The following DNAH8 variants were observed in gnomAD, a reference collection of about 807,000 sequenced individuals.
The protein encoded by DNAH8 is dynein axonemal heavy chain 8.
Under a neutral mutation model 562.1 loss-of-function variants are expected in DNAH8, and 382 were observed. The observed-to-expected ratio is 0.68, with a 90% CI of 0.63 to 0.74. The LOEUF is 0.74. Among genes scored for constraint, DNAH8 ranks in the 30% least tolerant of loss-of-function variants. The probability of loss-of-function intolerance (pLI) is 0.00; values close to 1 mark genes in which losing one functional copy is unlikely to be tolerated. For missense variants in DNAH8, 5,203 were observed against 5,620.4 expected, an observed-to-expected ratio of 0.93 and a Z score of 2.37; for synonymous variants, 1,881 against 1,919.4, an observed-to-expected ratio of 0.98 and a Z score of 0.52.
At chr6:38,973,321 G>A (rs547850478) in intron 83 of DNAH8, among the ~76,000 whole-genome samples, 11 of 152,224 alleles carry the variant, frequency 7.2e-5, no homozygotes, top group African/African-American at 2.6e-4. Flanking sequence ...ATTTACCTTA[G>A]GCAGGACAAC....
chr6:38,946,982 A>T (rs972040372), intron 80 of DNAH8, among the ~76,000 whole-genome samples: 4 of 152,218 alleles, frequency 2.6e-5, no homozygotes, highest in Non-Finnish European at 4.4e-5. Flanking sequence ...TTAACTACTC[A>T]TGAGGTAGAA....
chr6:38,741,104 T>A (rs1727761553), intron 7 of DNAH8, among the ~76,000 whole-genome samples: 3 of 152,092 alleles, frequency 2.0e-5, no homozygotes, highest in African/African-American at 7.2e-5. Context: ...AAAGTGATAT[T>A]TTCTAAAATG....
At chr6:38,961,155 A>G (rs1253620426) in intron 82 of DNAH8, among the ~76,000 whole-genome samples, 1 of 152,008 alleles carries the variant, frequency 6.6e-6, no homozygotes, top group African/African-American at 2.4e-5. Context: ...TTAGAGTAGA[A>G]TAGTGGCTAC....
At chr6:38,774,154 T>C (rs1310862936) in intron 12 of DNAH8, among the ~76,000 whole-genome samples, 2 of 152,094 alleles carry the variant, frequency 1.3e-5, no homozygotes, top group Non-Finnish European at 2.9e-5. Context: ...TAAATTTTGG[T>C]GAATATTGGT....
intron 91 of DNAH8, among the ~76,000 whole-genome samples, chr6:39,021,336 A>AT (rs149061072): frequency 0.18 from 21,609 of 120,140 alleles, 1,679 homozygotes; most frequent in African/African-American, 0.22. Flanking sequence ...CTTTTAGTAC[A>AT]TCCCCCTCCT....
intron 26 of DNAH8, among the ~76,000 whole-genome samples, chr6:38,815,918 G>A (rs566003080): frequency 3.9e-4 from 60 of 152,144 alleles, no homozygotes; most frequent in African/African-American, 1.4e-3. Flanking sequence ...CATGATAGTA[G>A]GTTGGATAAA....
chr6:38,818,732 T>C (rs944737853), intron 26 of DNAH8, among the ~76,000 whole-genome samples: 3 of 152,220 alleles, frequency 2.0e-5, no homozygotes, highest in Admixed American at 6.5e-5. Flanking sequence ...GATGCCGTTA[T>C]ATATACTGTC....
rs1299921978 is a variant in DNAH8 at position 39,012,195 on chromosome 6, C to A, written c.13372-20C>A. 3.8e-6 allele frequency: 6 copies of A among 1,566,122 alleles called. No homozygotes were observed. Among genetic ancestry groups the A allele is most frequent in the Non-Finnish European group, 5.2e-6 (6 of 1,147,926 alleles). The stretch of plus-strand genomic sequence containing the variant: ...TCAGATGAGAAAATCTCCTTTATTG[C>A]ATTGTTTACTTTGTTTTAGGTGAAA... On this transcript the variant is annotated intron_variant, in intron 89 of 92. Coordinates refer to ENST00000327475, the MANE Select transcript of DNAH8 (RefSeq NM_001206927.2).
At chr6:38,851,731 A>T (rs1775766033) in intron 39 of DNAH8, 57 bp downstream of exon 39, 2 of 1,083,098 alleles carry the variant, frequency 1.8e-6, no homozygotes. Context: ...CACAATGAAG[A>T]ATAAAAGTGA....
chr6:38,909,279 C>G (rs1192883089), intron 64 of DNAH8, among the ~76,000 whole-genome samples: 5 of 152,158 alleles, frequency 3.3e-5, no homozygotes, highest in Non-Finnish European at 7.4e-5. Context: ...TCAGTTTCCT[C>G]TTAAAAGAAA....
At chr6:38,848,283 A>G (rs1341084582) in intron 36 of DNAH8, among the ~76,000 whole-genome samples, 9 of 152,128 alleles carry the variant, frequency 5.9e-5, no homozygotes, top group African/African-American at 1.9e-4. Flanking sequence ...TTACTCTCAC[A>G]AGCAGACCCC....
At chr6:38,899,425 T>C (rs988792267) in intron 61 of DNAH8, among the ~76,000 whole-genome samples, 1 of 152,246 alleles carries the variant, frequency 6.6e-6, no homozygotes, top group Non-Finnish European at 1.5e-5. Context: ...ACATTTCTTA[T>C]ATCTTCTGCA....
At chr6:38,917,089 CAATG>C (rs2150545599) in intron 68 of DNAH8, 146 bp from the exon 69 acceptor site, 1 of 531,960 alleles carries the variant, frequency 1.9e-6, no homozygotes, top group East Asian at 3.2e-5. Context: ...ACCAAAATAA[CAATG>C]AAAGAGCCAC....
In DNAH8 at chr6:38,883,358, A is replaced by C; in HGVS notation, c.8038A>C (p.Thr2680Pro). 1.2e-6 allele frequency: 2 copies of C among 1,612,904 alleles called. No homozygotes were observed. Among genetic ancestry groups the C allele is most frequent in the Non-Finnish European group, 1.7e-6 (2 of 1,179,434 alleles). Residue 2680 changes from threonine (T) to proline (P), a missense_variant, in exon 55 of 93, where the codon ACT becomes CCT. Coordinates refer to ENST00000327475, the MANE Select transcript of DNAH8 (RefSeq NM_001206927.2). ...CACAGGAGAGCAGGGAACTGCAAAA[A>C]CTGTCATGGTTAAGGCCTATTTGAA... The part of the protein sequence containing the change: ...LLTGEQGTAK[T>P]VMVKAYLKKY...
chr6:38,742,691 T>C lies in DNAH8; in HGVS notation c.1293+804T>C, dbSNP rs141451225. 4.2e-3 allele frequency among the ~76,000 whole-genome samples: 640 copies of C among 152,218 alleles called. 3 individuals are homozygous for C. Among genetic ancestry groups the C allele is most frequent in the African/African-American group, 0.015 (612 of 41,536 alleles). On this transcript the variant is annotated intron_variant, in intron 8 of 92. Transcript: ENST00000327475. The stretch of plus-strand genomic sequence containing the variant: ...TGGTAATAGATTTAAGCAGTACGAA[T>C]AAAACAAGTCTCTCTTAATCACATA...
At position 39,010,801 on chromosome 6, in the gene DNAH8, GCACA is replaced by G. The variant is rs59768434; in HGVS notation, c.13372-1398_13372-1395del. ...TATATACACACACACGCACGTGTAC[GCACA>G]CACACACACACACACGTATGTATGT... On this transcript the variant is annotated intron_variant, in intron 89 of 92. Transcript: ENST00000327475. Among the ~76,000 whole-genome samples the G allele has an allele frequency of 4.5e-4, 64 of 141,986 alleles. 1 individual carries two copies. Among genetic ancestry groups the G allele is most frequent in the African/African-American group, 1.3e-3 (49 of 38,432 alleles). 93.1% of individuals were successfully genotyped at this position (141,986 alleles called of 152,430 possible).
At chr6:38,941,276 T>C (rs1278443288) in intron 79 of DNAH8, among the ~76,000 whole-genome samples, 1 of 152,216 alleles carries the variant, frequency 6.6e-6, no homozygotes, top group African/African-American at 2.4e-5. Context: ...CCTGCTATAC[T>C]TTTGTCCTCT....
In DNAH8 at chr6:38,737,219, C is replaced by T. The variant is rs753871818; in HGVS notation, c.915C>T (p.Phe305=). 6.6e-7 allele frequency: 1 copy of T among 1,513,800 alleles called. No homozygotes were observed. The highest frequency in any genetic ancestry group is 8.9e-7 in the Non-Finnish European group (1 of 1,129,210). 93.8% of individuals were successfully genotyped at this position (1,513,800 alleles called of 1,614,324 possible). ...SKQGESEKHI[F]TETINRYLSF... ...AGGGAGAATCTGAAAAACATATTTTCACTGAAACCATCAACAGATATCTTT... is the reference window on the plus strand; with the variant it reads ...AGGGAGAATCTGAAAAACATATTTTTACTGAAACCATCAACAGATATCTTT... Residue 305 remains phenylalanine (F), a synonymous_variant, in exon 6 of 93, where the codon TTC becomes TTT. Coordinates refer to ENST00000327475, the MANE Select transcript of DNAH8 (RefSeq NM_001206927.2).
At chr6:38,841,824 C>T (rs1192082680) in intron 33 of DNAH8, among the ~76,000 whole-genome samples, 1 of 151,928 alleles carries the variant, frequency 6.6e-6, no homozygotes, top group Non-Finnish European at 1.5e-5. Context: ...CTCAAGCAGT[C>T]CTTTCACATC....
Sources: allele counts gnomAD v4.1 joint callset (sites outside exome capture counted in the v4.1 genomes callset), GRCh38; gene constraint gnomAD v4.1.1; transcripts MANE v1.5; gene names NCBI Gene and HGNC (gene_info 2026-07-23, HGNC 2026-07-21).